Variants in NCOA1 observed in about 807,000 individuals in gnomAD.
The protein encoded by NCOA1 is nuclear receptor coactivator 1.
A neutral mutation model predicts 150.9 loss-of-function variants in NCOA1; 35 were observed. That is an observed-to-expected ratio of 0.23 (90% CI 0.18 to 0.31). The LOEUF (loss-of-function observed/expected upper bound fraction) is 0.31, where lower values mean the gene tolerates loss of function less well. Ranked by LOEUF, NCOA1 falls within the 10% of genes least tolerant of loss-of-function variation. The pLI is 1.00. For synonymous variants in NCOA1, 590 were observed against 630.0 expected (o/e 0.94, Z 0.95); for missense variants, 1,491 against 1,749.3 (o/e 0.85, Z 2.63).
chr2:24,765,981 A>G (rs1389713878), intron 22 of NCOA1, among the ~76,000 whole-genome samples: 2 of 150,054 alleles, frequency 1.3e-5, no homozygotes. Context: ...GCTCACTGCA[A>G]CCTCCTCCTC....
chr2:24,638,992 G>A (rs796736407), intron 3 of NCOA1, among the ~76,000 whole-genome samples: 2 of 152,086 alleles, frequency 1.3e-5, no homozygotes, highest in Admixed American at 6.5e-5. Context: ...TCTTAAATAT[G>A]TCTGGATTCA....
In NCOA1 at chr2:24,762,856, C is replaced by G; in HGVS notation, c.4155+80C>G. 2.3e-6 allele frequency: 3 copies of G among 1,297,272 alleles called. No individual in the cohort carries two copies. In the South Asian group the frequency reaches 3.6e-5, roughly 16 times the overall value. The allele number at this position is 1,297,272 out of a possible 1,614,324, so 80.4% of individuals were successfully genotyped here. Reference sequence around the variant, plus strand: ...GGTCATTGTGTAGCATCATTAAGAGCCTGACCTTGGGAGTCAGACCTGGGT... The same window carrying G: ...GGTCATTGTGTAGCATCATTAAGAGGCTGACCTTGGGAGTCAGACCTGGGT... On this transcript the variant is annotated intron_variant, in intron 22 of 22. Transcript: ENST00000348332.
At chr2:24,758,254 C>T in intron 21 of NCOA1, 98 bp downstream of exon 21, 2 of 1,142,450 alleles carry the variant, frequency 1.8e-6, no homozygotes, top group Middle Eastern at 2.7e-4. Flanking sequence ...AATAGCCACA[C>T]TTCTTTATTC....
At chr2:24,503,948 T>G (rs1163464452) in intron 1 of NCOA1, among the ~76,000 whole-genome samples, 1 of 152,132 alleles carries the variant, frequency 6.6e-6, no homozygotes, top group Non-Finnish European at 1.5e-5. Flanking sequence ...TTGGCCAGGC[T>G]GGTCTTGAAC....
intron 3 of NCOA1, among the ~76,000 whole-genome samples, chr2:24,633,181 T>A (rs1035983476): frequency 6.6e-6 from 1 of 151,872 alleles, no homozygotes; most frequent in Non-Finnish European, 1.5e-5. Flanking sequence ...TACCCAGATA[T>A]GTGCATGCAG....
intron 13 of NCOA1, among the ~76,000 whole-genome samples, chr2:24,708,472 C>G (rs896568274): frequency 2.0e-5 from 3 of 151,968 alleles, no homozygotes; most frequent in African/African-American, 4.8e-5. Flanking sequence ...TAAAGACAAA[C>G]CTTTCCATAA....
At chr2:24,639,256 GTTTC>G (rs1670070784) in intron 3 of NCOA1, among the ~76,000 whole-genome samples, 3 of 151,768 alleles carry the variant, frequency 2.0e-5, no homozygotes, top group African/African-American at 7.3e-5. Flanking sequence ...CATACAGTCT[GTTTC>G]TTTCTGTGGT....
chr2:24,667,868 A>G (rs768837471), intron 6 of NCOA1, among the ~76,000 whole-genome samples: 30 of 152,266 alleles, frequency 2.0e-4, no homozygotes, highest in Non-Finnish European at 3.7e-4. Flanking sequence ...TAACTAACCT[A>G]TTTGAAATAT....
chr2:24,664,096 A>G (rs560638043), intron 5 of NCOA1, among the ~76,000 whole-genome samples: 1 of 152,210 alleles, frequency 6.6e-6, no homozygotes, highest in Non-Finnish European at 1.5e-5. Context: ...TGCAGAGCTG[A>G]GGTTCCCTAA....
Position 24,505,217 on chromosome 2 carries a change from G to C in NCOA1, c.-396+13615G>C, listed in dbSNP as rs184032237. Among the ~76,000 whole-genome samples the C allele has an allele frequency of 4.9e-3, 674 of 137,006 alleles. 2 individuals are homozygous for C. The highest frequency in any genetic ancestry group is 0.017 in the African/African-American group (631 of 36,878). The allele number at this position is 137,006 out of a possible 152,430, so 89.9% of individuals were successfully genotyped here. ...TTTTTTTTTTTTGAGACGGAGTTTTGCCCTTGTTGCTGAGGCTGGAGTGCA... is the reference window on the plus strand; with the variant it reads ...TTTTTTTTTTTTGAGACGGAGTTTTCCCCTTGTTGCTGAGGCTGGAGTGCA... On this transcript the variant is annotated intron_variant, in intron 1 of 22. Coordinates refer to ENST00000348332, the MANE Select transcript of NCOA1 (RefSeq NM_003743.5).
At chr2:24,702,623 C>T (rs923002307) in intron 11 of NCOA1, among the ~76,000 whole-genome samples, 1 of 152,116 alleles carries the variant, frequency 6.6e-6, no homozygotes, top group African/African-American at 2.4e-5. Flanking sequence ...TAAATAAAAG[C>T]GGCTGTCATG....
intron 3 of NCOA1, among the ~76,000 whole-genome samples, chr2:24,602,109 T>C (rs1668150051): frequency 6.6e-6 from 1 of 152,226 alleles, no homozygotes; most frequent in East Asian, 1.9e-4. Context: ...TGGAACTTAA[T>C]GTAGCTGTCA....
intron 2 of NCOA1, among the ~76,000 whole-genome samples, chr2:24,573,639 A>G (rs551646905): frequency 2.6e-5 from 4 of 152,246 alleles, no homozygotes; most frequent in African/African-American, 7.2e-5. Context: ...AGTCAATGCA[A>G]CATTTTAAAA....
chr2:24,517,002 G>GCACACACA (rs796783517), intron 1 of NCOA1, among the ~76,000 whole-genome samples: 70 of 25,778 alleles, frequency 2.7e-3, no homozygotes, highest in African/African-American at 4.4e-3. Flanking sequence ...ATACACACGC[G>GCACACACA]CGCACACACA....
intron 3 of NCOA1, among the ~76,000 whole-genome samples, chr2:24,599,058 G>A (rs566603083): frequency 6.6e-6 from 1 of 152,252 alleles, no homozygotes; most frequent in Admixed American, 6.5e-5. Flanking sequence ...TGAGAGAATT[G>A]ACAGAACTTT....
chr2:24,534,331 CTCTTT>C (rs1402309904), intron 1 of NCOA1, among the ~76,000 whole-genome samples: 6 of 151,954 alleles, frequency 3.9e-5, no homozygotes, highest in Non-Finnish European at 1.5e-5. Flanking sequence ...TGATTCTTCT[CTCTTT>C]TCTTCTTTAT....
At position 24,679,726 on chromosome 2, in the gene NCOA1, G is replaced by A. The variant is rs189493052; in HGVS notation, c.355-3225G>A. ...TTATAAACCCAATTTAGATATGAGT[G>A]TACTTTCCTGTGCTCATCTAAACCC... On this transcript the variant is annotated intron_variant, in intron 7 of 22. Coordinates refer to ENST00000348332, the MANE Select transcript of NCOA1 (RefSeq NM_003743.5). Among the ~76,000 whole-genome samples, 1,125 of 152,176 alleles carry A rather than the reference G, an allele frequency of 7.4e-3. 12 individuals carry two copies. The highest frequency in any genetic ancestry group is 0.025 in the African/African-American group (1,051 of 41,528).
At chr2:24,531,158 G>T (rs1033484782) in intron 1 of NCOA1, among the ~76,000 whole-genome samples, 3 of 152,170 alleles carry the variant, frequency 2.0e-5, no homozygotes, top group African/African-American at 7.2e-5. Context: ...GATTAGTGCA[G>T]CCATTATGTA....
chr2:24,499,921 G>C (rs1663383981), intron 1 of NCOA1, among the ~76,000 whole-genome samples: 1 of 152,284 alleles, frequency 6.6e-6, no homozygotes, highest in Admixed American at 6.5e-5. Context: ...TTGCCAAACT[G>C]GTAGTAATTC....
Sources: allele counts gnomAD v4.1 joint callset (sites outside exome capture counted in the v4.1 genomes callset), GRCh38; gene constraint gnomAD v4.1.1; transcripts MANE v1.5; gene names NCBI Gene and HGNC (gene_info 2026-07-23, HGNC 2026-07-21).